The following PREPL variants were observed in gnomAD, a reference collection of about 807,000 sequenced individuals.
PREPL encodes the protein prolyl endopeptidase-like.
In PREPL, 77 loss-of-function variants were observed where a neutral mutation model predicts 70.6. That is an observed-to-expected ratio of 1.09 (90% confidence interval 0.91 to 1.32). The LOEUF (loss-of-function observed/expected upper bound fraction) is 1.32, where lower values mean the gene tolerates loss of function less well. Among genes scored for constraint, PREPL ranks in the 40% most tolerant of loss-of-function variants. The pLI, the probability that PREPL is intolerant of heterozygous loss-of-function variation, is 0.00. For synonymous variants in PREPL, 315 were observed against 264.8 expected, an observed-to-expected ratio of 1.19 and a Z score of -1.84; for missense variants, 1,002 against 778.2, an observed-to-expected ratio of 1.29 and a Z score of -3.42.
chr2:44,361,482 A>T lies in PREPL; in HGVS notation c.-151T>A, dbSNP rs1677811750. The T allele has an allele frequency of 6.5e-6, 1 of 153,092 alleles. No individual in the cohort carries two copies. The allele number at this position is 153,092 out of a possible 1,614,324, so 9.5% of individuals were successfully genotyped here. ...AGCAGGTGTCACCGCAGGCAAGTCC[A>T]GCCGAAGTCTGCGTTCCGCAGCCCA... On this transcript the variant is annotated 5_prime_UTR_variant, in exon 1 of 14. Transcript: ENST00000409411.
At chr2:44,351,089 AT>A (rs112509073) in intron 1 of PREPL, among the ~76,000 whole-genome samples, 1,593 of 136,480 alleles carry the variant, frequency 0.012, 2 homozygotes, top group Non-Finnish European at 0.012. Context: ...ACGCTGGCTA[AT>A]TTTTTTTTTT....
intron 12 of PREPL, among the ~76,000 whole-genome samples, chr2:44,322,402 C>A (rs1367725095): frequency 6.6e-6 from 1 of 151,978 alleles, no homozygotes. Context: ...TTAGAGATTC[C>A]CAAGAATAAC....
chr2:44,357,574 A>G (rs1433526068), intron 1 of PREPL, among the ~76,000 whole-genome samples: 2 of 152,240 alleles, frequency 1.3e-5, no homozygotes, highest in African/African-American at 4.8e-5. Context: ...GAGTCAGGTT[A>G]AAGTTTCCAG....
chr2:44,321,412 G>C lies in PREPL; in HGVS notation c.1861C>G (p.Leu621Val), dbSNP rs780486089. ...TAQIKFLYEE[L>V]GLDSTSVFED... ...AAAACACTGGTGCTGTCAAGTCCAA[G>C]TTCCTCGTACAGGAATTTAATTTGG... Residue 621 changes from leucine to valine, a missense_variant, in exon 14 of 14, where the codon CTT becomes GTT. Leu to Val is a conservative substitution (Grantham distance 32). Coordinates refer to ENST00000409411, the MANE Select transcript of PREPL (RefSeq NM_001171613.2). 4 of 1,613,074 alleles carry C rather than the reference G, an allele frequency of 2.5e-6. No homozygotes were observed. Among genetic ancestry groups the C allele is most frequent in the Non-Finnish European group, 3.4e-6 (4 of 1,179,282 alleles).
chr2:44,337,776 T>C (rs1408053104), intron 7 of PREPL, among the ~76,000 whole-genome samples: 3 of 152,240 alleles, frequency 2.0e-5, no homozygotes, highest in Admixed American at 6.5e-5. Flanking sequence ...CAGTATCAAC[T>C]AGTCAGCTTG....
chr2:44,347,333 C>T (rs1486902867), intron 1 of PREPL: 1 of 151,254 alleles, frequency 6.6e-6, no homozygotes, highest in Non-Finnish European at 1.5e-5. Context: ...CCTGTCTCAA[C>T]AACAACAAAA....
Position 44,320,724 on chromosome 2 carries a change from G to C in PREPL, c.*632C>G, listed in dbSNP as rs1672867900. 1 of 1,028,868 alleles carries C rather than the reference G, an allele frequency of 9.7e-7. No homozygotes were observed. Among genetic ancestry groups the C allele is most frequent in the South Asian group, 1.3e-5 (1 of 77,094 alleles). The allele number at this position is 1,028,868 out of a possible 1,614,324, so 63.7% of individuals were successfully genotyped here. Reference sequence around the variant, plus strand: ...AGCTTCATGTACAGCATGCTGCTTGGTGAACAATCATTAATTCTTCGATAT... The same window carrying C: ...AGCTTCATGTACAGCATGCTGCTTGCTGAACAATCATTAATTCTTCGATAT... On this transcript the variant is annotated 3_prime_UTR_variant, in exon 14 of 14. Coordinates refer to ENST00000409411, the MANE Select transcript of PREPL (RefSeq NM_001171613.2).
chr2:44,325,702 A>G (rs1319857152), intron 10 of PREPL, among the ~76,000 whole-genome samples: 1 of 152,142 alleles, frequency 6.6e-6, no homozygotes, highest in Non-Finnish European at 1.5e-5. Flanking sequence ...TTCTGTTTTT[A>G]AAAAATAGAC....
At chr2:44,336,937 A>G (rs1674700897) in intron 7 of PREPL, among the ~76,000 whole-genome samples, 1 of 152,072 alleles carries the variant, frequency 6.6e-6, no homozygotes, top group Admixed American at 6.6e-5. Flanking sequence ...CAATAAAACA[A>G]TCTCAAAACT....
intron 7 of PREPL, among the ~76,000 whole-genome samples, chr2:44,334,800 G>T (rs2103867424): frequency 6.6e-6 from 1 of 152,298 alleles, no homozygotes; most frequent in East Asian, 1.9e-4. Context: ...GGGTGGTCTT[G>T]AACTCCTGAC....
chr2:44,338,362 GAA>G lies in PREPL; in HGVS notation c.875_876del (p.Val292AlafsTer19). 1 of 1,611,142 alleles carries G rather than the reference GAA, an allele frequency of 6.2e-7. No homozygotes were observed. Among genetic ancestry groups the G allele is most frequent in the Non-Finnish European group, 8.5e-7 (1 of 1,179,288 alleles). ...VNVIGLADDS[V>X]RSLKLPPWAC... is the part of the protein sequence containing the mutation. ...AAAATTAAACATACCTTTAGAGACC[GAA>G]CTGAATCATCAGCCAGACCAATCAC... On this transcript the variant is annotated frameshift_variant, in exon 7 of 14. Transcript: ENST00000409411. LOFTEE classifies it high-confidence loss of function.
At chr2:44,347,839 A>G (rs1376073585) in intron 1 of PREPL, among the ~76,000 whole-genome samples, 2 of 152,266 alleles carry the variant, frequency 1.3e-5, no homozygotes, top group South Asian at 4.1e-4. Flanking sequence ...TAAGCTATAA[A>G]TACAGTTTAT....
chr2:44,338,634 ACT>A, intron 6 of PREPL, 98 bp from the exon 7 acceptor site: 1 of 993,216 alleles, frequency 1.0e-6, no homozygotes, highest in Non-Finnish European at 1.5e-6. Flanking sequence ...ACTAGTCCTC[ACT>A]GTTTTATGAA....
intron 1 of PREPL, among the ~76,000 whole-genome samples, chr2:44,356,998 G>A (rs982583670): frequency 6.6e-6 from 1 of 152,162 alleles, no homozygotes; most frequent in Non-Finnish European, 1.5e-5. Flanking sequence ...TAGAGTTGGG[G>A]TTTTGCCATG....
intron 1 of PREPL, among the ~76,000 whole-genome samples, chr2:44,355,751 TTA>T (rs112927329): frequency 0.063 from 8,852 of 141,192 alleles, 314 homozygotes; most frequent in South Asian, 0.13. Context: ...AAACTACATA[TTA>T]TATATATATA....
chr2:44,320,325 T>G lies in PREPL; in HGVS notation c.*1031A>C. The G allele has an allele frequency of 1.9e-6, 3 of 1,614,156 alleles. No homozygotes were observed. Among genetic ancestry groups the G allele is most frequent in the Non-Finnish European group, 1.7e-6 (2 of 1,179,988 alleles). On this transcript the variant is annotated 3_prime_UTR_variant, in exon 14 of 14. Coordinates refer to ENST00000409411, the MANE Select transcript of PREPL (RefSeq NM_001171613.2). Reference sequence around the variant, plus strand: ...GAGGAATGACAGCCACTATGTTGTGTACACAAGAGAGCTGGATGGCATCGA... The same window carrying G: ...GAGGAATGACAGCCACTATGTTGTGGACACAAGAGAGCTGGATGGCATCGA...
At chr2:44,338,960 C>T (rs1312172379) in intron 6 of PREPL, among the ~76,000 whole-genome samples, 187 bp downstream of exon 6, 3 of 152,158 alleles carry the variant, frequency 2.0e-5, no homozygotes, top group Admixed American at 1.3e-4. Flanking sequence ...GTTTTATTTA[C>T]TAACTTTTTA....
chr2:44,332,447 T>C lies in PREPL; in HGVS notation c.1086+12A>G, dbSNP rs1453360286. ...GTAAATGGGAGCTGAAAGTGAAGAT[T>C]ATAAGACCTACCTTGCTTTTGGCTT... On this transcript the variant is annotated intron_variant, in intron 8 of 13. Coordinates refer to ENST00000409411, the MANE Select transcript of PREPL (RefSeq NM_001171613.2). 1 of 1,604,250 alleles carries C rather than the reference T, an allele frequency of 6.2e-7. No individual in the cohort carries two copies. Among genetic ancestry groups the C allele is most frequent in the Non-Finnish European group, 8.5e-7 (1 of 1,171,326 alleles).
rs564026645 is a variant in PREPL, at chr2:44,318,170, A to G, written c.*3186T>C. 4.6e-6 allele frequency: 2 copies of G among 432,746 alleles called. No homozygotes were observed. Among genetic ancestry groups the G allele is most frequent in the Non-Finnish European group, 9.3e-6 (2 of 216,138 alleles). 26.8% of individuals were successfully genotyped at this position (432,746 alleles called of 1,614,324 possible). The stretch of plus-strand genomic sequence containing the variant: ...CAGTGGCGTGATCTCGGCACACTGC[A>G]GCCTCTGCTTCCTGGGTTCAAGTGA... On this transcript the variant is annotated 3_prime_UTR_variant, in exon 14 of 14. Transcript: ENST00000409411.
Sources: allele counts gnomAD v4.1 joint callset (sites outside exome capture counted in the v4.1 genomes callset), GRCh38; gene constraint gnomAD v4.1.1; transcripts MANE v1.5; gene names NCBI Gene and HGNC (gene_info 2026-07-23, HGNC 2026-07-21).